TRIM64C: variants seen among roughly 807,000 people sequenced by gnomAD.
The protein encoded by TRIM64C is tripartite motif containing 64C.
In TRIM64C, 25 loss-of-function variants were observed where a neutral mutation model predicts 36.1. The observed-to-expected ratio is 0.69, with a 90% CI of 0.51 to 0.97. TRIM64C has a LOEUF of 0.97. TRIM64C is among the 50% of genes least tolerant of loss of function. The probability of loss-of-function intolerance (pLI) is 0.00; values close to 1 mark genes in which losing one functional copy is unlikely to be tolerated. For synonymous variants in TRIM64C, 212 were observed against 185.7 expected, an observed-to-expected ratio of 1.14 and a Z score of -1.15; for missense variants, 489 against 536.8, an observed-to-expected ratio of 0.91 and a Z score of 0.88.
At position 49,055,389 on chromosome 11, in the gene TRIM64C, C is replaced by T; in HGVS notation, c.780G>A (p.Met260Ile). The T allele has an allele frequency of 6.6e-6, 10 of 1,522,906 alleles. No homozygotes were observed. Among genetic ancestry groups the T allele is most frequent in the African/African-American group, 1.5e-5 (1 of 68,100 alleles). The allele number at this position is 1,522,906 out of a possible 1,614,324, so 94.3% of individuals were successfully genotyped here. ...NISARTDLAQ[M>I]PKPQPVNPEL... Reference sequence around the variant, plus strand: ...CTGGGTTCACTGGCTGGGGCTTTGGCATCTGTGCCAAATCAGTTCTGCAAA... The same window carrying T: ...CTGGGTTCACTGGCTGGGGCTTTGGTATCTGTGCCAAATCAGTTCTGCAAA... The change falls in exon 5 of 6, where the codon ATG becomes ATA. Residue 260 changes from methionine (M) to isoleucine (I), a missense_variant. Met to Ile is a conservative substitution (Grantham distance 10). Coordinates refer to ENST00000617704, the MANE Select transcript of TRIM64C (RefSeq NM_001206631.1).
At chr11:49,055,094 A>G (rs936308656) in intron 5 of TRIM64C, among the ~76,000 whole-genome samples, 1 of 152,208 alleles carries the variant, frequency 6.6e-6, no homozygotes, top group Admixed American at 6.5e-5. Context: ...CAGATAAAGT[A>G]TGTATCTTGC....
intron 1 of TRIM64C, 24 bp from the exon 2 acceptor site, chr11:49,058,196 A>C (rs542133770): frequency 7.1e-7 from 1 of 1,416,822 alleles, no homozygotes; most frequent in South Asian, 1.3e-5. Flanking sequence ...CAAGAAGCTT[A>C]GCAATGATGA....
chr11:49,058,053 C>T, intron 2 of TRIM64C, 25 bp downstream of exon 2: 1 of 1,453,610 alleles, frequency 6.9e-7, no homozygotes, highest in Non-Finnish European at 9.2e-7. Context: ...TGCATAAAAA[C>T]AAAGGAAACA....
Position 49,054,079 on chromosome 11 carries a change from C to G in TRIM64C, c.988G>C (p.Val330Leu), listed in dbSNP as rs1191666866. Reference protein sequence around the residue: ...MDPQGVESFAVWCAQAFTSGK... With the variant: ...MDPQGVESFALWCAQAFTSGK... Reference sequence around the variant, plus strand: ...GAGGTGAATGCTTGCGCACACCACACAGCAAAGCTCTCCACTCCTTGGGGA... The same window carrying G: ...GAGGTGAATGCTTGCGCACACCACAGAGCAAAGCTCTCCACTCCTTGGGGA... Residue 330 changes from valine (V) to leucine (L), a missense_variant, in exon 6 of 6, where the codon GTG becomes CTG. Val to Leu is a conservative substitution (Grantham distance 32). Transcript: ENST00000617704. 1.1e-4 allele frequency: 163 copies of G among 1,551,470 alleles called. No individual in the cohort carries two copies. The highest frequency in any genetic ancestry group is 1.2e-4 in the Non-Finnish European group (143 of 1,146,858).
chr11:49,058,622 C>A, intron 1 of TRIM64C, 79 bp downstream of exon 1: 1 of 1,525,220 alleles, frequency 6.6e-7, no homozygotes, highest in Non-Finnish European at 8.8e-7. Flanking sequence ...TATCTGCATT[C>A]TCATCACCAT....
rs757457885 is a variant in TRIM64C at position 49,055,415 on chromosome 11, A to AAT, written c.762-9_762-8insAT. The AAT allele has an allele frequency of 1.2e-4, 180 of 1,535,382 alleles. No homozygotes were observed. Among genetic ancestry groups the AAT allele is most frequent in the Non-Finnish European group, 1.5e-4 (176 of 1,146,682 alleles). ...ATCTGTGCCAAATCAGTTCTGCAAA[A>AAT]AAAAAATGGCCTCAGTTATATTTCC... On this transcript the variant is annotated splice_polypyrimidine_tract_variant and intron_variant, in intron 4 of 5. Coordinates refer to ENST00000617704, the MANE Select transcript of TRIM64C (RefSeq NM_001206631.1).
intron 5 of TRIM64C, among the ~76,000 whole-genome samples, chr11:49,054,767 A>G (rs1854792881): frequency 6.6e-6 from 1 of 152,156 alleles, no homozygotes; most frequent in Non-Finnish European, 1.5e-5. Context: ...GAATGGGCCT[A>G]ACATTGTTAG....
rs1481178981 is a variant in TRIM64C, at chr11:49,058,967, G to A, written c.146C>T (p.Pro49Leu). 6.4e-7 allele frequency: 1 copy of A among 1,551,258 alleles called. No individual in the cohort carries two copies. The highest frequency in any genetic ancestry group is 2.4e-5 in the East Asian group (1 of 40,924). ...LCLCSEEGRAPMRCPLCRKIS... is the reference protein window; with the variant it reads ...LCLCSEEGRALMRCPLCRKIS... ...TTTTCTGCACAAAGGGCAGCGCATT[G>A]GTGCTCTGCCTTCTTCTGAGCAGAG... The change falls in exon 1 of 6, where the codon CCA (proline) becomes CTA (leucine). Residue 49 changes from proline (P) to leucine (L), a missense_variant. Transcript: ENST00000617704.
At position 49,054,184 on chromosome 11, in the gene TRIM64C, T is replaced by C. The variant is rs192397246; in HGVS notation, c.883A>G (p.Met295Val). The change falls in exon 6 of 6, where the codon ATG (methionine) becomes GTG (valine). Residue 295 changes from methionine (M) to valine (V), a missense_variant. By Grantham distance (21) the Met-to-Val change is conservative. Transcript: ENST00000617704. ...GAAAGGCTTATATAGCAAGGAGTCA[T>C]TTCTGTACTCAGAGCATTATCCACT... is the stretch of plus-strand genomic sequence containing the variant. ...FRVDNALSTE[M>V]TPCYISLSED... 3.7e-5 allele frequency: 57 copies of C among 1,551,546 alleles called. 1 individual carries two copies. In the East Asian group the frequency reaches 1.4e-3, roughly 37 times the overall value.
intron 5 of TRIM64C, among the ~76,000 whole-genome samples, chr11:49,054,688 A>T (rs1406275221): frequency 6.6e-6 from 1 of 152,004 alleles, no homozygotes; most frequent in East Asian, 1.9e-4. Context: ...CTGGCTTTAC[A>T]TTATCTGTTT....
chr11:49,054,809 G>T (rs1212747279), intron 5 of TRIM64C, among the ~76,000 whole-genome samples: 4 of 152,028 alleles, frequency 2.6e-5, no homozygotes, highest in African/African-American at 9.7e-5. Flanking sequence ...CCTTTCACTT[G>T]TTATGAGATG....
chr11:49,058,723 C>G lies in TRIM64C; in HGVS notation c.390G>C (p.Trp130Cys). 1 of 1,546,910 alleles carries G rather than the reference C, an allele frequency of 6.5e-7. No homozygotes were observed. The highest frequency in any genetic ancestry group is 8.7e-7 in the Non-Finnish European group (1 of 1,146,480). ...CACGTACCCTGCATTCCTCAGCAGC[C>G]CATCCTATTGGGCTGTGGCTGTGAG... ...HMAHSHSPIG[W>C]AAEECRVQKL... Residue 130 changes from tryptophan (W) to cysteine (C), a missense_variant, in exon 1 of 6, where the codon TGG (tryptophan) becomes TGC (cysteine). Trp to Cys is a radical substitution (Grantham distance 215, BLOSUM62 -2). Transcript: ENST00000617704.
At chr11:49,057,938 C>T in intron 2 of TRIM64C, 140 bp downstream of exon 2, 1 of 612,268 alleles carries the variant, frequency 1.6e-6, no homozygotes, top group Non-Finnish European at 2.8e-6. Context: ...TTTGCAATTC[C>T]TATTATATCA....
rs1192063303 is a variant in TRIM64C, at chr11:49,057,380, T to C, written c.508-2A>G. On this transcript the variant is annotated splice_acceptor_variant, in intron 2 of 5. Coordinates refer to ENST00000617704, the MANE Select transcript of TRIM64C (RefSeq NM_001206631.1). LOFTEE classifies it high-confidence loss of function. ...CACCTTCCTTAATGACACATAGTCC[T>C]GCAGAGACGTTTGGTTAAAAGGATT... is the stretch of plus-strand genomic sequence containing the variant. 26 of 1,549,466 alleles carry C rather than the reference T, an allele frequency of 1.7e-5. No individual in the cohort carries two copies. Among genetic ancestry groups the C allele is most frequent in the Non-Finnish European group, 1.9e-5 (22 of 1,146,832 alleles).
At chr11:49,058,611 C>T in intron 1 of TRIM64C, 90 bp downstream of exon 1, 3 of 1,517,960 alleles carry the variant, frequency 2.0e-6, no homozygotes, top group Admixed American at 2.0e-5. Flanking sequence ...GCCACCTCCA[C>T]TATCTGCATT....
chr11:49,058,048 A>T (rs1195543074), intron 2 of TRIM64C, 30 bp downstream of exon 2: 1 of 1,441,710 alleles, frequency 6.9e-7, no homozygotes, highest in Admixed American at 2.2e-5. Context: ...TTATTTGCAT[A>T]AAAACAAAGG....
rs1413109469 is a variant in TRIM64C, at chr11:49,058,831, G to C, written c.282C>G (p.Leu94=). 1 of 1,549,316 alleles carries C rather than the reference G, an allele frequency of 6.5e-7. No individual in the cohort carries two copies. Among genetic ancestry groups the C allele is most frequent in the Non-Finnish European group, 8.7e-7 (1 of 1,146,862 alleles). Residue 94 remains leucine (L), a synonymous_variant, in exon 1 of 6, where the codon CTC becomes CTG. Transcript: ENST00000617704. ...NINSSDNICV[L]HEETKELFCE... is the part of the protein sequence containing the mutation. ...AGAAGAGCTCCTTAGTCTCCTCATGGAGCACACAGATATTGTCTGAGCTGT... is the reference window on the plus strand; with the variant it reads ...AGAAGAGCTCCTTAGTCTCCTCATGCAGCACACAGATATTGTCTGAGCTGT...
In TRIM64C at chr11:49,054,367, C is replaced by A. The variant is rs182441095; in HGVS notation, c.860-160G>T. Among the ~76,000 whole-genome samples, 18 of 152,210 alleles carry A rather than the reference C, an allele frequency of 1.2e-4. No individual in the cohort carries two copies. In the East Asian group the frequency reaches 3.5e-3, roughly 29 times the overall value. On this transcript the variant is annotated intron_variant, in intron 5 of 5. Transcript: ENST00000617704. ...CCATGAAGATGAAATGTTATTATACCTCTACAGCATATACAATTATGTATT... is the reference window on the plus strand; with the variant it reads ...CCATGAAGATGAAATGTTATTATACATCTACAGCATATACAATTATGTATT...
At chr11:49,055,089 A>G (rs781014363) in intron 5 of TRIM64C, among the ~76,000 whole-genome samples, 1 of 152,230 alleles carries the variant, frequency 6.6e-6, no homozygotes, top group South Asian at 2.1e-4. Flanking sequence ...TTCTGCAGAT[A>G]AAGTATGTAT....
Sources: gnomAD v4.1 joint callset for allele counts (sites outside exome capture counted in the v4.1 genomes callset) on GRCh38, gnomAD v4.1.1 for gene constraint, MANE v1.5 for transcripts, NCBI Gene and HGNC (gene_info 2026-07-23, HGNC 2026-07-21) for gene names.